The following SRP68 variants were observed in gnomAD, a reference collection of about 807,000 sequenced individuals.
SRP68 encodes signal recognition particle subunit SRP68.
A neutral mutation model predicts 82.2 loss-of-function variants in SRP68; 15 were observed. The observed-to-expected ratio is 0.18, with a 90% confidence interval of 0.12 to 0.28. The LOEUF (loss-of-function observed/expected upper bound fraction) is 0.28, where lower values mean the gene tolerates loss of function less well. Ranked by LOEUF, SRP68 falls within the 10% of genes least tolerant of loss-of-function variation. The pLI is 1.00. For synonymous variants in SRP68, 261 were observed against 292.6 expected, an observed-to-expected ratio of 0.89 and a Z score of 1.10; for missense variants, 595 against 780.5, an observed-to-expected ratio of 0.76 and a Z score of 2.83.
At chr17:76,066,110 C>G (rs183927120) in intron 3 of SRP68, among the ~76,000 whole-genome samples, 1 of 152,024 alleles carries the variant, frequency 6.6e-6, no homozygotes, top group East Asian at 1.9e-4. Context: ...TCAGCAAATG[C>G]CAAGCACTGG....
intron 8 of SRP68, 105 bp downstream of exon 8, chr17:76,057,298 G>A (rs2066719738): frequency 2.2e-6 from 3 of 1,390,454 alleles, no homozygotes; most frequent in Non-Finnish European, 3.0e-6. Context: ...AGCATTAAAA[G>A]TTTGTTTTAT....
At chr17:76,043,626 T>A in intron 13 of SRP68, 2 of 381,082 alleles carry the variant, frequency 5.2e-6, no homozygotes, top group Non-Finnish European at 9.1e-6. Flanking sequence ...CCCTTCTTCA[T>A]ACCTAAATCC....
chr17:76,040,545 C>A (rs2066581747), intron 14 of SRP68, 71 bp from the exon 15 acceptor site: 2 of 1,482,550 alleles, frequency 1.3e-6, no homozygotes, highest in South Asian at 1.1e-5. Flanking sequence ...TGAGGCCTAT[C>A]ACACAGGTGG....
In SRP68 at chr17:76,060,321, G is replaced by C. The variant is rs768329856; in HGVS notation, c.824C>G (p.Ala275Gly). ...ATACTAGATTACCTCCAATTTTTCAGCCAAGAGACCCTCAGTGCCCCCAGA... is the reference window on the plus strand; with the variant it reads ...ATACTAGATTACCTCCAATTTTTCACCCAAGAGACCCTCAGTGCCCCCAGA... Reference protein sequence around the residue: ...LRSGGTEGLLAEKLEALITQT... With the variant: ...LRSGGTEGLLGEKLEALITQT... The change falls in exon 7 of 16, where the codon GCT (alanine) becomes GGT (glycine). Residue 275 changes from alanine to glycine, a missense_variant. Around this residue, in one of 2 missense-constraint regions of SRP68, gnomAD observed 495 missense variants for 688.6 expected, o/e 0.72. Transcript: ENST00000307877. The C allele has an allele frequency of 1.1e-5, 18 of 1,609,032 alleles. No homozygotes were observed. The highest frequency in any genetic ancestry group is 1.5e-5 in the Non-Finnish European group (18 of 1,178,602).
chr17:76,063,055 C>T (rs1466639545), intron 4 of SRP68, among the ~76,000 whole-genome samples: 5 of 151,542 alleles, frequency 3.3e-5, no homozygotes, highest in Non-Finnish European at 7.4e-5. Context: ...CAGGCGTGAG[C>T]CACCACGCCC....
intron 3 of SRP68, among the ~76,000 whole-genome samples, chr17:76,064,681 A>C (rs986738739): frequency 2.0e-5 from 3 of 151,936 alleles, no homozygotes; most frequent in Non-Finnish European, 4.4e-5. Context: ...TCTCTACTAA[A>C]AATACAAAAA....
rs934266117 is a variant in SRP68, at chr17:76,071,356, G to A, written c.185-912C>T. Among the ~76,000 whole-genome samples, 1 of 152,128 alleles carries A rather than the reference G, an allele frequency of 6.6e-6. No individual in the cohort carries two copies. Among genetic ancestry groups the A allele is most frequent in the African/African-American group, 2.4e-5 (1 of 41,432 alleles). On this transcript the variant is annotated intron_variant, in intron 1 of 15. Coordinates refer to ENST00000307877, the MANE Select transcript of SRP68 (RefSeq NM_014230.4). This position sits in a 1 kb window ranked among gnomAD's most constrained non-coding sequence, Gnocchi z 4.7. Reference sequence around the variant, plus strand: ...ATAATCTTAAAATATTTAAGATTATGTACTAATCTTTAGAAAGTCCAATGA... The same window carrying A: ...ATAATCTTAAAATATTTAAGATTATATACTAATCTTTAGAAAGTCCAATGA...
At chr17:76,063,861 T>G in intron 4 of SRP68, 115 bp downstream of exon 4, 1 of 919,226 alleles carries the variant, frequency 1.1e-6, no homozygotes, top group Non-Finnish European at 1.6e-6. Flanking sequence ...CGGAAAGTTT[T>G]TTTCCTCTTC....
chr17:76,070,798 C>T (rs568649526), intron 1 of SRP68, among the ~76,000 whole-genome samples: 31 of 151,860 alleles, frequency 2.0e-4, no homozygotes, highest in South Asian at 6.2e-4. Context: ...GCCAAGACAG[C>T]GCCACTGCAC....
intron 8 of SRP68, chr17:76,053,371 G>A: frequency 1.4e-6 from 1 of 713,076 alleles, no homozygotes; most frequent in Non-Finnish European, 1.7e-6. Context: ...CAACAAACAT[G>A]CCAACACCCT....
intron 6 of SRP68, chr17:76,060,787 G>C (rs546557056): frequency 2.9e-6 from 1 of 345,910 alleles, no homozygotes; most frequent in Non-Finnish European, 5.3e-6. Context: ...GGGTTACATG[G>C]ATCTCTGTAT....
At chr17:76,067,355 C>T in intron 2 of SRP68, 25 bp from the exon 3 acceptor site, 3 of 1,540,740 alleles carry the variant, frequency 1.9e-6, no homozygotes, top group Non-Finnish European at 2.7e-6. Flanking sequence ...AAACAAAACT[C>T]ACTCAGCCAA....
At chr17:76,048,185 A>G (rs1373583462) in intron 9 of SRP68, 1 of 266,596 alleles carries the variant, frequency 3.8e-6, no homozygotes, top group South Asian at 1.4e-4. Context: ...ACCTCAAATA[A>G]GAGAACTGAG....
rs1378861799 is a variant in SRP68, at chr17:76,062,659, A to G, written c.562-1085T>C. 1.6e-3 allele frequency among the ~76,000 whole-genome samples: 81 copies of G among 52,040 alleles called. 28 individuals carry two copies. The African/African-American group carries it at 0.021, about 13-fold the overall frequency. The allele number at this position is 52,040 out of a possible 152,430, so 34.1% of individuals were successfully genotyped here. On this transcript the variant is annotated intron_variant, in intron 4 of 15. Coordinates refer to ENST00000307877, the MANE Select transcript of SRP68 (RefSeq NM_014230.4). The stretch of plus-strand genomic sequence containing the variant: ...TATTATATAATATACATTATATATT[A>G]TATAATATACATTATATAATATATA...
At position 76,046,626 on chromosome 17, in the gene SRP68, AAAC is replaced by A. The variant is rs544909514; in HGVS notation, c.1143-435_1143-433del. 4.8e-3 allele frequency among the ~76,000 whole-genome samples: 731 copies of A among 151,284 alleles called. 7 individuals carry two copies. Among genetic ancestry groups the A allele is most frequent in the African/African-American group, 0.017 (683 of 41,160 alleles). On this transcript the variant is annotated intron_variant, in intron 10 of 15. Coordinates refer to ENST00000307877, the MANE Select transcript of SRP68 (RefSeq NM_014230.4). ...GCAAAACCTTGACTCTAAAAATTGAAAACAACAACAACAACAAAACAAAAAAAA... is the reference window on the plus strand; with the variant it reads ...GCAAAACCTTGACTCTAAAAATTGAAAACAACAACAACAAAACAAAAAAAA...
In SRP68 at chr17:76,039,787, T is replaced by C; in HGVS notation, c.1803A>G (p.Pro601=). 7 of 1,613,834 alleles carry C rather than the reference T, an allele frequency of 4.3e-6. No individual in the cohort carries two copies. The highest frequency in any genetic ancestry group is 5.9e-6 in the Non-Finnish European group (7 of 1,179,942). ...TCTGTTCCAACTTGTCCTCAAGGGG[T>C]GGGAAAGCCACATGGTTGAGGGCCA... The part of the protein sequence containing the change: ...FDLALNHVAF[P]PLEDKLEQKT... Residue 601 remains proline (P), a synonymous_variant, in exon 16 of 16, where the codon CCA becomes CCG. Transcript: ENST00000307877.
intron 1 of SRP68, 128 bp from the exon 2 acceptor site, chr17:76,070,572 G>A: frequency 1.2e-6 from 1 of 812,466 alleles, no homozygotes; most frequent in Non-Finnish European, 2.0e-6. Context: ...CAGGTACGGT[G>A]GCTCATGCCT....
In SRP68 at chr17:76,064,099, G is replaced by A; in HGVS notation, c.438C>T (p.Asn146=). Residue 146 remains asparagine (N), a synonymous_variant, in exon 4 of 16, where the codon AAC becomes AAT. Transcript: ENST00000307877. ...AGTGAAACCGTTTTCGGGGTTCAGT[G>A]TTGGCTTCCTGTTTCAGCTGCATGG... is the stretch of plus-strand genomic sequence containing the variant. The part of the protein sequence containing the change: ...SYAMQLKQEA[N]TEPRKRFHLL... 1 of 1,614,234 alleles carries A rather than the reference G, an allele frequency of 6.2e-7. No individual in the cohort carries two copies.
chr17:76,046,727 G>A (rs940996889), intron 10 of SRP68, among the ~76,000 whole-genome samples: 9 of 152,142 alleles, frequency 5.9e-5, no homozygotes, highest in Non-Finnish European at 1.3e-4. Flanking sequence ...GGATCATGAG[G>A]TCAGGAGATT....
Sources: gnomAD v4.1 joint callset for allele counts (sites outside exome capture counted in the v4.1 genomes callset) on GRCh38, gnomAD v4.1.1 for gene constraint, gnomAD v4.1.1 regional missense constraint, Gnocchi (gnomAD v3.1) non-coding constraint, MANE v1.5 for transcripts, NCBI Gene and HGNC (gene_info 2026-07-23, HGNC 2026-07-21) for gene names.